The following ZNF16 variants were observed in gnomAD, a reference collection of about 807,000 sequenced individuals.
ZNF16 encodes zinc finger protein 16.
A neutral mutation model predicts 9.0 loss-of-function variants in ZNF16; 7 were observed. The ratio of observed to expected loss-of-function variants is 0.78; its 90% CI spans 0.44 to 1.47. The LOEUF (loss-of-function observed/expected upper bound fraction) is 1.47, where lower values mean the gene tolerates loss of function less well. ZNF16 is among the 40% of genes most tolerant of loss of function. The pLI is 0.01. For missense variants in ZNF16, 830 were observed against 854.2 expected (o/e 0.97, Z 0.35); for synonymous variants, 312 against 301.5 (o/e 1.03, Z -0.36).
In ZNF16 at chr8:144,931,627, C is replaced by A; in HGVS notation, c.1160G>T (p.Ser387Ile). The A allele has an allele frequency of 6.2e-7, 1 of 1,614,152 alleles. No homozygotes were observed. The highest frequency in any genetic ancestry group is 8.5e-7 in the Non-Finnish European group (1 of 1,180,030). Residue 387 changes from serine to isoleucine, a missense_variant, in exon 3 of 3, where the codon AGC becomes ATC. By Grantham distance (142) the Ser-to-Ile change is moderately radical. Transcript: ENST00000394909. ...FECGECGKAFSQSAHLRKHQR... is the reference protein window; with the variant it reads ...FECGECGKAFIQSAHLRKHQR... Reference sequence around the variant, plus strand: ...GTGCTTCCTCAGGTGTGCACTCTGGCTGAAGGCTTTCCCACACTCGCCACA... The same window carrying A: ...GTGCTTCCTCAGGTGTGCACTCTGGATGAAGGCTTTCCCACACTCGCCACA...
In ZNF16 at chr8:144,933,161, C is replaced by T. The variant is rs1833599012; in HGVS notation, c.197-571G>A. Among the ~76,000 whole-genome samples, 1 of 152,124 alleles carries T rather than the reference C, an allele frequency of 6.6e-6. No individual in the cohort carries two copies. Among genetic ancestry groups the T allele is most frequent in the South Asian group, 2.1e-4 (1 of 4,830 alleles). On this transcript the variant is annotated intron_variant, in intron 2 of 2. Coordinates refer to ENST00000394909, the MANE Select transcript of ZNF16 (RefSeq NM_006958.3). This position sits in a 1 kb window ranked among gnomAD's most constrained non-coding sequence, Gnocchi z 5.6. ...AGGAGTCACTAGTGTGGAGAGAGAC[C>T]CCGTTGTACACAGAGAAGAAACCCA...
intron 1 of ZNF16, among the ~76,000 whole-genome samples, chr8:144,949,414 C>T (rs553352644): frequency 5.3e-5 from 8 of 152,214 alleles, no homozygotes; most frequent in South Asian, 2.1e-4. Flanking sequence ...GTCTCCCATG[C>T]GCTGGGAACC....
At chr8:144,945,697 G>A (rs1479157728) in intron 2 of ZNF16, 6 of 277,246 alleles carry the variant, frequency 2.2e-5, no homozygotes, top group African/African-American at 1.1e-4. Context: ...AGAGTCCTGA[G>A]GGGAGAGGGC....
At chr8:144,934,237 G>A (rs1202238917) in intron 2 of ZNF16, among the ~76,000 whole-genome samples, 1 of 152,172 alleles carries the variant, frequency 6.6e-6, no homozygotes, top group African/African-American at 2.4e-5. Flanking sequence ...TTCATGTTGG[G>A]TCACTGGACA....
At chr8:144,945,936 AG>A (rs749671811) in intron 2 of ZNF16, 74 bp downstream of exon 2, 26 of 1,574,528 alleles carry the variant, frequency 1.7e-5, no homozygotes, top group South Asian at 1.4e-4. Flanking sequence ...GATGCCTCCT[AG>A]GGGTAAGCAC....
intron 2 of ZNF16, among the ~76,000 whole-genome samples, chr8:144,938,330 T>C (rs1455623548): frequency 1.3e-5 from 2 of 152,258 alleles, no homozygotes; most frequent in Admixed American, 1.3e-4. Flanking sequence ...AGGAATGGCA[T>C]TGAATCTGTA....
At chr8:144,946,574 CCTGTGTCCTGCTGTGGGT>C (rs1833940136) in intron 1 of ZNF16, among the ~76,000 whole-genome samples, 2 of 139,674 alleles carry the variant, frequency 1.4e-5, no homozygotes, top group African/African-American at 5.6e-5. Context: ...CTGCTGTGGG[CCTGTGTCCTGCTGTGGGT>C]CTGTATCCTG....
At chr8:144,941,284 T>C (rs759305634) in intron 2 of ZNF16, among the ~76,000 whole-genome samples, 14 of 152,198 alleles carry the variant, frequency 9.2e-5, no homozygotes, top group Non-Finnish European at 1.8e-4. Context: ...CCATATCTTC[T>C]TGATGACTCT....
At chr8:144,946,311 G>A in intron 1 of ZNF16, 96 bp from the exon 2 acceptor site, 1 of 1,207,520 alleles carries the variant, frequency 8.3e-7, no homozygotes, top group Non-Finnish European at 1.1e-6. Flanking sequence ...CACCCCTGCA[G>A]CCCAAGACCT....
In ZNF16 at chr8:144,931,867, C is replaced by T. The variant is rs1833554914; in HGVS notation, c.920G>A (p.Ser307Asn). The T allele has an allele frequency of 1.9e-6, 3 of 1,614,032 alleles. No homozygotes were observed. Among genetic ancestry groups the T allele is most frequent in the Middle Eastern group, 3.3e-4 (2 of 6,058 alleles). The change falls in exon 3 of 3, where the codon AGC becomes AAC. Residue 307 changes from serine to asparagine, a missense_variant. By Grantham distance (46) the Ser-to-Asn change is conservative. Transcript: ENST00000394909. ...ECGKAFSQNS[S>N]LKKHQKSHMS... ...GTGAGACTTTTGGTGCTTTTTAAGG[C>T]TCGAGTTCTGGCTGAAGGCTTTTCC...
At chr8:144,945,753 G>T in intron 2 of ZNF16, 1 of 534,336 alleles carries the variant, frequency 1.9e-6, no homozygotes, top group Non-Finnish European at 3.1e-6. Flanking sequence ...AGGAGTATAG[G>T]GCAAATCAAA....
In ZNF16 at chr8:144,931,828, G is replaced by T; in HGVS notation, c.959C>A (p.Pro320His). ...CTTCCCACATTCATTGCATTCATAG[G>T]GCTTCTCACTCATGTGAGACTTTTG... ...KHQKSHMSEK[P>H]YECNECGKAF... The change falls in exon 3 of 3, where the codon CCC becomes CAC. Residue 320 changes from proline (P) to histidine (H), a missense_variant. By Grantham distance (77) the Pro-to-His change is moderately conservative (BLOSUM62 -2). Transcript: ENST00000394909. The T allele has an allele frequency of 6.2e-7, 1 of 1,614,146 alleles. No homozygotes were observed. The highest frequency in any genetic ancestry group is 8.5e-7 in the Non-Finnish European group (1 of 1,180,030).
At position 144,946,451 on chromosome 8, in the gene ZNF16, C is replaced by T. The variant is rs543593580; in HGVS notation, c.-9-236G>A. 2.4e-3 allele frequency among the ~76,000 whole-genome samples: 370 copies of T among 152,304 alleles called. 1 individual carries two copies. Among genetic ancestry groups the T allele is most frequent in the African/African-American group, 8.5e-3 (354 of 41,544 alleles). ...GGCCACAGTACAAAGGGGCAAGATGCTGACCCTAAGGTAAAGTGGGTCATG... is the reference window on the plus strand; with the variant it reads ...GGCCACAGTACAAAGGGGCAAGATGTTGACCCTAAGGTAAAGTGGGTCATG... On this transcript the variant is annotated intron_variant, in intron 1 of 2. Transcript: ENST00000394909.
intron 2 of ZNF16, among the ~76,000 whole-genome samples, chr8:144,934,346 A>G (rs1313655691): frequency 6.6e-6 from 1 of 152,156 alleles, no homozygotes; most frequent in Non-Finnish European, 1.5e-5. Flanking sequence ...CTCCTCTCCC[A>G]CAGAGCTGCC....
At chr8:144,937,858 G>T (rs764977986) in intron 2 of ZNF16, among the ~76,000 whole-genome samples, 6 of 152,010 alleles carry the variant, frequency 3.9e-5, no homozygotes, top group Admixed American at 3.9e-4. Context: ...TGTAGAGACA[G>T]AGTCTTGCTA....
intron 1 of ZNF16, among the ~76,000 whole-genome samples, chr8:144,947,128 C>CCTA (rs1833974685): frequency 7.2e-6 from 1 of 138,092 alleles, no homozygotes; most frequent in Non-Finnish European, 1.5e-5. Flanking sequence ...GGGCCTGTAC[C>CCTA]CTGCTGTGGG....
At chr8:144,944,063 T>C (rs1245561791) in intron 2 of ZNF16, 1 of 140,432 alleles carries the variant, frequency 7.1e-6, no homozygotes, top group Non-Finnish European at 1.6e-5. Context: ...GGTTTTTTTT[T>C]TTCTTTTTTT....
rs1280912784 is a variant in ZNF16 at position 144,937,141 on chromosome 8, CTCTTTTTT to C, written c.197-4559_197-4552del. 9.1e-3 allele frequency among the ~76,000 whole-genome samples: 846 copies of C among 93,028 alleles called. 9 individuals are homozygous for C. Among genetic ancestry groups the C allele is most frequent in the African/African-American group, 0.028 (786 of 27,822 alleles). 61.0% of individuals were successfully genotyped at this position (93,028 alleles called of 152,430 possible). A position where few individuals can be genotyped will look rare whatever the true frequency, so the allele number is the denominator to read the frequency against. On this transcript the variant is annotated intron_variant, in intron 2 of 2. Transcript: ENST00000394909. ...GATGCTTTTTTCACTTTCTTTCTCT[CTCTTTTTT>C]TTTTTTTTTTTTTTTGAGACAGAGT...
chr8:144,943,033 A>C (rs1833841530), intron 2 of ZNF16, among the ~76,000 whole-genome samples: 1 of 152,146 alleles, frequency 6.6e-6, no homozygotes, highest in African/African-American at 2.4e-5. Context: ...GGGGCAGTCT[A>C]TTTGTAACAA....
Sources: gnomAD v4.1 joint callset for allele counts (sites outside exome capture counted in the v4.1 genomes callset) on GRCh38, gnomAD v4.1.1 for gene constraint, Gnocchi (gnomAD v3.1) non-coding constraint, MANE v1.5 for transcripts, NCBI Gene and HGNC (gene_info 2026-07-23, HGNC 2026-07-21) for gene names.